Variants in MME observed in about 807,000 individuals in gnomAD.
MME encodes the protein membrane metalloendopeptidase, also known as neprilysin.
Under a neutral mutation model 113.2 loss-of-function variants are expected in MME, and 98 were observed. That is an observed-to-expected ratio of 0.87 (90% CI 0.74 to 1.02). The LOEUF (loss-of-function observed/expected upper bound fraction) is 1.02, where lower values mean the gene tolerates loss of function less well. Ranked by LOEUF, MME falls within the 50% of genes least tolerant of loss-of-function variation. MME has a pLI of 0.00. For missense variants in MME, 836 were observed against 896.0 expected (o/e 0.93, Z 0.86); for synonymous variants, 292 against 300.6 (o/e 0.97, Z 0.30).
At chr3:155,029,636 A>G (rs1304026884) in intron 1 of MME, among the ~76,000 whole-genome samples, 1 of 151,814 alleles carries the variant, frequency 6.6e-6, no homozygotes, top group East Asian at 1.9e-4. Flanking sequence ...AAACAGTGTA[A>G]CCCTGTCTGA....
chr3:155,156,332 C>T (rs1722305532), intron 16 of MME, among the ~76,000 whole-genome samples: 1 of 152,018 alleles, frequency 6.6e-6, no homozygotes, highest in South Asian at 2.1e-4. Flanking sequence ...CTTAGGTGCT[C>T]ATTAAATAGT....
intron 1 of MME, among the ~76,000 whole-genome samples, chr3:155,031,871 C>T (rs1712984482): frequency 6.6e-6 from 1 of 152,204 alleles, no homozygotes; most frequent in Non-Finnish European, 1.5e-5. Flanking sequence ...GTTTGGCAGG[C>T]CGGTCTCGAA....
intron 8 of MME, among the ~76,000 whole-genome samples, chr3:155,119,043 T>C (rs1408064342): frequency 3.3e-5 from 5 of 152,264 alleles, no homozygotes; most frequent in Non-Finnish European, 4.4e-5. Flanking sequence ...TATTTGTATC[T>C]TGGTTTTTAG....
chr3:155,126,856 G>A (rs535803905), intron 8 of MME, among the ~76,000 whole-genome samples: 5 of 151,918 alleles, frequency 3.3e-5, no homozygotes, highest in East Asian at 1.9e-4. Context: ...AAAATTAGCC[G>A]GGCGTGGTTC....
intron 1 of MME, among the ~76,000 whole-genome samples, chr3:155,035,698 G>A (rs1173998401): frequency 6.6e-6 from 1 of 152,172 alleles, no homozygotes; most frequent in Non-Finnish European, 1.5e-5. Context: ...TAAGTTCAGC[G>A]TAGCTGGCCT....
At chr3:155,051,122 A>G (rs1158667582) in intron 1 of MME, among the ~76,000 whole-genome samples, 1 of 152,258 alleles carries the variant, frequency 6.6e-6, no homozygotes, top group African/African-American at 2.4e-5. Flanking sequence ...CCAGAGTTTG[A>G]TGATTTGGAA....
intron 3 of MME, among the ~76,000 whole-genome samples, chr3:155,092,699 A>G (rs1453133244): frequency 6.6e-6 from 1 of 152,236 alleles, no homozygotes; most frequent in Non-Finnish European, 1.5e-5. Flanking sequence ...TGTTATGTGC[A>G]ATGGTGTAGA....
chr3:155,087,507 G>T (rs886485572), intron 3 of MME, among the ~76,000 whole-genome samples: 2 of 152,088 alleles, frequency 1.3e-5, no homozygotes, highest in African/African-American at 4.8e-5. Flanking sequence ...AGTTGTCAAA[G>T]TTAACGTTTA....
intron 3 of MME, among the ~76,000 whole-genome samples, chr3:155,099,087 T>C (rs1576581636): frequency 1.3e-5 from 2 of 152,278 alleles, no homozygotes; most frequent in Middle Eastern, 3.4e-3. Flanking sequence ...TGCTTTTCCA[T>C]GTTGGGGCAA....
At chr3:155,041,205 A>T (rs73874467) in intron 1 of MME, among the ~76,000 whole-genome samples, 5 of 152,104 alleles carry the variant, frequency 3.3e-5, no homozygotes, top group African/African-American at 1.2e-4. Context: ...AGTCTGGTCC[A>T]TGTCACCATG....
chr3:155,147,903 T>C (rs549397869), intron 15 of MME, among the ~76,000 whole-genome samples: 32 of 152,146 alleles, frequency 2.1e-4, no homozygotes, highest in Non-Finnish European at 4.1e-4. Context: ...TGCCTTCTTC[T>C]CTCTTTCCAT....
At chr3:155,026,255 T>C (rs961799592) in intron 1 of MME, among the ~76,000 whole-genome samples, 3 of 152,158 alleles carry the variant, frequency 2.0e-5, no homozygotes, top group Admixed American at 6.5e-5. Context: ...TATCTATTCA[T>C]TGAGGCCCTC....
chr3:155,078,659 A>ATGTGTGTGTGTGTG (rs5853711), upstream of MME, among the ~76,000 whole-genome samples: 1 of 141,844 alleles, frequency 7.1e-6, no homozygotes, highest in Non-Finnish European at 1.5e-5. Context: ...ATGTGTGTGT[A>ATGTGTGTGTGTGTG]TGTGTGTGTG....
At chr3:155,154,162 C>T (rs1448358975) in intron 16 of MME, among the ~76,000 whole-genome samples, 1 of 152,126 alleles carries the variant, frequency 6.6e-6, no homozygotes, top group Non-Finnish European at 1.5e-5. Context: ...TCATTTCTGT[C>T]TGCCCCTTGG....
At chr3:155,083,250 G>A (rs73168188) in intron 1 of MME, among the ~76,000 whole-genome samples, 2 of 152,084 alleles carry the variant, frequency 1.3e-5, no homozygotes, top group South Asian at 2.1e-4. Context: ...TCTTGAACAC[G>A]TTGCCTGACT....
intron 3 of MME, among the ~76,000 whole-genome samples, chr3:155,088,913 C>G (rs921120421): frequency 2.6e-5 from 4 of 152,012 alleles, no homozygotes; most frequent in Non-Finnish European, 5.9e-5. Flanking sequence ...AATGTCATAG[C>G]AAATGTACTT....
chr3:155,042,583 A>T (rs1254129556), intron 1 of MME, among the ~76,000 whole-genome samples: 2 of 152,024 alleles, frequency 1.3e-5, no homozygotes, highest in Non-Finnish European at 2.9e-5. Context: ...ATAACTTGCT[A>T]AGTTACCTTT....
intron 1 of MME, among the ~76,000 whole-genome samples, chr3:155,041,187 T>C (rs1019397739): frequency 6.6e-6 from 1 of 152,152 alleles, no homozygotes; most frequent in African/African-American, 2.4e-5. Context: ...TTTGTCTCTA[T>C]AATCATCAGT....
At chr3:155,177,090 T>G (rs938729191) in intron 22 of MME, among the ~76,000 whole-genome samples, 45 of 152,286 alleles carry the variant, frequency 3.0e-4, no homozygotes, top group African/African-American at 9.4e-4. Context: ...AACTTAATTT[T>G]GAGATTTATA....
Sources: allele counts gnomAD v4.1 joint callset (sites outside exome capture counted in the v4.1 genomes callset), GRCh38; gene constraint gnomAD v4.1.1; transcripts MANE v1.5; gene names NCBI Gene and HGNC (gene_info 2026-07-23, HGNC 2026-07-21).